Variants in DENND2B observed in about 807,000 individuals in gnomAD.
DENND2B encodes the protein DENN domain containing 2B.
Under a neutral mutation model 116.0 loss-of-function variants are expected in DENND2B, and 32 were observed. The ratio of observed to expected loss-of-function variants is 0.28; its 90% CI spans 0.21 to 0.37. The LOEUF (loss-of-function observed/expected upper bound fraction) is 0.37, where lower values mean the gene tolerates loss of function less well. Ranked by LOEUF, DENND2B falls within the 10% of genes least tolerant of loss-of-function variation. The probability of loss-of-function intolerance (pLI) is 1.00; values close to 1 mark genes in which losing one functional copy is unlikely to be tolerated. For synonymous variants in DENND2B, 588 were observed against 583.9 expected, an observed-to-expected ratio of 1.01 and a Z score of -0.10; for missense variants, 1,276 against 1,477.7, an observed-to-expected ratio of 0.86 and a Z score of 2.24.
At chr11:8,826,803 C>T (rs971190620) in intron 4 of DENND2B, among the ~76,000 whole-genome samples, 2 of 152,132 alleles carry the variant, frequency 1.3e-5, no homozygotes, top group African/African-American at 4.8e-5. Flanking sequence ...TATGTTTCTG[C>T]GGAAGAGAGC....
At chr11:8,905,714 A>G (rs2064227201) in intron 1 of DENND2B, among the ~76,000 whole-genome samples, 1 of 152,176 alleles carries the variant, frequency 6.6e-6, no homozygotes, top group Admixed American at 6.5e-5. Context: ...ATGTGTCCAC[A>G]CAAAGTCTTA....
At chr11:8,696,803 G>T in intron 17 of DENND2B, 137 bp from the exon 18 acceptor site, 1 of 1,377,852 alleles carries the variant, frequency 7.3e-7, no homozygotes, top group Non-Finnish European at 9.8e-7. Context: ...CTCTTTTTGA[G>T]ACCGAGTTTC....
intron 1 of DENND2B, among the ~76,000 whole-genome samples, chr11:8,901,086 G>C (rs1342547423): frequency 6.6e-6 from 1 of 151,538 alleles, no homozygotes; most frequent in African/African-American, 2.4e-5. Context: ...CCAACTGTTG[G>C]TTTCATTGAT....
At chr11:8,903,936 C>T (rs2064204220) in intron 1 of DENND2B, among the ~76,000 whole-genome samples, 1 of 145,664 alleles carries the variant, frequency 6.9e-6, no homozygotes, top group Admixed American at 6.8e-5. Flanking sequence ...TATAAGTAGA[C>T]CTAAAACAAG....
chr11:8,697,583 C>G lies in DENND2B; in HGVS notation c.2994G>C (p.Gln998His), dbSNP rs779291298. The change falls in exon 17 of 20, where the codon CAG becomes CAC. Residue 998 changes from glutamine (Q) to histidine (H), a missense_variant. Around this residue, in one of 2 missense-constraint regions of DENND2B, gnomAD observed 420 missense variants for 631.1 expected, o/e 0.67. Coordinates refer to ENST00000313726, the MANE Select transcript of DENND2B (RefSeq NM_213618.2). ...LPRKLQAALEQALERKNELIS... is the reference protein window; with the variant it reads ...LPRKLQAALEHALERKNELIS... ...TCAGCTCATTCTTCCTCTCCAGAGCCTGCTCCAGAGCTGCCTGTAACTTCC... is the reference window on the plus strand; with the variant it reads ...TCAGCTCATTCTTCCTCTCCAGAGCGTGCTCCAGAGCTGCCTGTAACTTCC... 1.2e-6 allele frequency: 2 copies of G among 1,614,248 alleles called. No individual in the cohort carries two copies. The highest frequency in any genetic ancestry group is 1.7e-6 in the Non-Finnish European group (2 of 1,180,030).
At chr11:8,727,700 TG>T (rs2047312963) in intron 3 of DENND2B, among the ~76,000 whole-genome samples, 1 of 152,218 alleles carries the variant, frequency 6.6e-6, no homozygotes, top group Admixed American at 6.5e-5. Flanking sequence ...TCGCAAATGT[TG>T]GCCCAGGACC....
intron 2 of DENND2B, among the ~76,000 whole-genome samples, chr11:8,868,332 T>C (rs2063657581): frequency 6.6e-6 from 1 of 152,236 alleles, no homozygotes. Flanking sequence ...AGATGTCACC[T>C]TAATCTTCTA....
At chr11:8,902,596 A>T (rs1245609019) in intron 1 of DENND2B, among the ~76,000 whole-genome samples, 2 of 152,240 alleles carry the variant, frequency 1.3e-5, no homozygotes, top group African/African-American at 4.8e-5. Context: ...TTTTTTGGCA[A>T]GGGGAGTCGC....
chr11:8,791,290 T>A (rs186278029), intron 1 of DENND2B, among the ~76,000 whole-genome samples: 1 of 152,170 alleles, frequency 6.6e-6, no homozygotes, highest in African/African-American at 2.4e-5. Context: ...TAGGAAGCAC[T>A]GGAAAGTTTT....
At chr11:8,695,135 G>C (rs1216329519) in intron 19 of DENND2B, among the ~76,000 whole-genome samples, 1 of 152,144 alleles carries the variant, frequency 6.6e-6, no homozygotes, top group African/African-American at 2.4e-5. Context: ...GTAATCTAAA[G>C]ATGATCTAAA....
intron 1 of DENND2B, among the ~76,000 whole-genome samples, chr11:8,896,123 A>T (rs958032767): frequency 1.3e-5 from 2 of 152,154 alleles, no homozygotes; most frequent in Non-Finnish European, 2.9e-5. Context: ...ATAAGCTAGG[A>T]GATATAAAAT....
At chr11:8,764,304 G>C (rs1263763451) in intron 1 of DENND2B, among the ~76,000 whole-genome samples, 2 of 152,142 alleles carry the variant, frequency 1.3e-5, no homozygotes, top group Non-Finnish European at 2.9e-5. Context: ...TAGATCATTA[G>C]GGCTCAATTT....
chr11:8,765,227 C>T (rs1039658891), intron 1 of DENND2B, among the ~76,000 whole-genome samples: 2 of 152,134 alleles, frequency 1.3e-5, no homozygotes, highest in Non-Finnish European at 2.9e-5. Context: ...ATCCACCTGC[C>T]CAACTCCTTT....
chr11:8,791,504 A>G (rs930820727), intron 1 of DENND2B, among the ~76,000 whole-genome samples: 13 of 152,128 alleles, frequency 8.5e-5, no homozygotes, highest in African/African-American at 3.1e-4. Context: ...AGTGGCTCAC[A>G]CCTTGTAATC....
chr11:8,698,881 G>A (rs2040950310), intron 16 of DENND2B, 52 bp downstream of exon 16: 2 of 1,602,772 alleles, frequency 1.2e-6, no homozygotes, highest in African/African-American at 1.3e-5. Flanking sequence ...TAGTGTGTGT[G>A]ATGGTGCAGG....
At chr11:8,745,864 ATTT>A (rs2051150161) in intron 2 of DENND2B, among the ~76,000 whole-genome samples, 1 of 152,190 alleles carries the variant, frequency 6.6e-6, no homozygotes, top group Admixed American at 6.5e-5. Flanking sequence ...CCTTCAGATG[ATTT>A]CAGCCCCTAG....
chr11:8,756,848 T>C (rs1444513487), intron 1 of DENND2B, among the ~76,000 whole-genome samples: 2 of 152,156 alleles, frequency 1.3e-5, no homozygotes, highest in African/African-American at 4.8e-5. Flanking sequence ...GAGCAGAGAC[T>C]CAAGCATGAT....
At chr11:8,812,273 C>T (rs576352019), upstream of DENND2B, among the ~76,000 whole-genome samples, 7 of 152,212 alleles carry the variant, frequency 4.6e-5, no homozygotes, top group East Asian at 1.9e-4. Context: ...TAAGTTGTGG[C>T]GAGATAGGCT....
intron 4 of DENND2B, chr11:8,718,104 A>ACCCCCCCCACCCCCCCACCCCCCCC (rs2045350971): frequency 1.8e-5 from 1 of 56,902 alleles, no homozygotes. Flanking sequence ...CCACCCCCCC[A>ACCCCCCCCACCCCCCCACCCCCCCC]CCCCCCCCAA....
Sources: gnomAD v4.1 joint callset for allele counts (sites outside exome capture counted in the v4.1 genomes callset) on GRCh38, gnomAD v4.1.1 for gene constraint, gnomAD v4.1.1 regional missense constraint, MANE v1.5 for transcripts, NCBI Gene and HGNC (gene_info 2026-07-23, HGNC 2026-07-21) for gene names.